The following PXDN variants were observed in gnomAD, a reference collection of about 807,000 sequenced individuals.
The protein encoded by PXDN is peroxidasin, also known as peroxidasin homolog.
Under a neutral mutation model 140.3 loss-of-function variants are expected in PXDN, and 77 were observed. The observed-to-expected ratio is 0.55, with a 90% CI of 0.46 to 0.66. The LOEUF is 0.66. Ranked by LOEUF, PXDN falls within the 30% of genes least tolerant of loss-of-function variation. The pLI is 0.00. For missense variants in PXDN, 1,838 were observed against 2,039.5 expected, an observed-to-expected ratio of 0.90 and a Z score of 1.90; for synonymous variants, 911 against 857.4, an observed-to-expected ratio of 1.06 and a Z score of -1.09.
intron 1 of PXDN, among the ~76,000 whole-genome samples, chr2:1,712,808 T>C (rs751033237): frequency 6.6e-6 from 1 of 152,182 alleles, no homozygotes; most frequent in Non-Finnish European, 1.5e-5. Context: ...CCCTGCAACC[T>C]CCGCCTCCAA....
chr2:1,680,529 C>T (rs1158448989), intron 6 of PXDN, among the ~76,000 whole-genome samples, 167 bp from the exon 7 acceptor site: 1 of 152,150 alleles, frequency 6.6e-6, no homozygotes, highest in South Asian at 2.1e-4. Context: ...CCCCGGTGCC[C>T]GACTCAGGGA....
chr2:1,648,780 C>T lies in PXDN; in HGVS notation c.3000G>A (p.Thr1000=), dbSNP rs141010722. ...LWFREHNRIA[T]ELLKLNPHWD... ...AGTGCGGGTTCAGCTTGAGCAGCTC[C>T]GTGGCAATGCGGTTGTGCTCGCGGA... The change falls in exon 17 of 23, where the codon ACG becomes ACA. Residue 1000 remains threonine (T), a synonymous_variant. Coordinates refer to ENST00000252804, the MANE Select transcript of PXDN (RefSeq NM_012293.3). The surrounding 1 kb of genome is among the most constrained non-coding windows in gnomAD (Gnocchi z 8.9). 34 of 1,603,916 alleles carry T rather than the reference C, an allele frequency of 2.1e-5. No individual in the cohort carries two copies. The highest frequency in any genetic ancestry group is 9.0e-5 in the East Asian group (4 of 44,322).
intron 9 of PXDN, among the ~76,000 whole-genome samples, chr2:1,673,196 A>T (rs1683616630): frequency 1.3e-5 from 2 of 152,232 alleles, no homozygotes; most frequent in South Asian, 4.1e-4. Flanking sequence ...CCATTATCTT[A>T]AACATGAAAA....
At chr2:1,697,898 CATG>C (rs1684335287) in intron 1 of PXDN, among the ~76,000 whole-genome samples, 1 of 152,208 alleles carries the variant, frequency 6.6e-6, no homozygotes, top group Non-Finnish European at 1.5e-5. Context: ...AGTAAGTTGG[CATG>C]ATGAGCATGG....
chr2:1,738,785 A>G (rs1404272313), intron 1 of PXDN, among the ~76,000 whole-genome samples: 1 of 152,160 alleles, frequency 6.6e-6, no homozygotes, highest in Middle Eastern at 3.2e-3. Flanking sequence ...GAGCTCAGGC[A>G]ATCTGCCCGC....
intron 6 of PXDN, among the ~76,000 whole-genome samples, chr2:1,683,081 G>A (rs1313997866): frequency 2.6e-5 from 4 of 151,642 alleles, no homozygotes; most frequent in Admixed American, 6.6e-5. Flanking sequence ...ATTTAAAGAC[G>A]ATTTAAATCG....
At position 1,687,670 on chromosome 2, in the gene PXDN, G is replaced by A; in HGVS notation, c.378C>T (p.Asp126=). The change falls in exon 4 of 23, where the codon GAC becomes GAT. Residue 126 remains aspartate, a synonymous_variant. Coordinates refer to ENST00000252804, the MANE Select transcript of PXDN (RefSeq NM_012293.3). This position sits in a 1 kb window ranked among gnomAD's most constrained non-coding sequence, Gnocchi z 4.0. ...YLYKNEIQSI[D]RQAFKGLASL... ...AGGCAAGTCCCTTAAATGCTTGCCT[G>A]TCAATTGACTGGATCTCATTCTTGT... 6.5e-7 allele frequency: 1 copy of A among 1,534,170 alleles called. No individual in the cohort carries two copies. The highest frequency in any genetic ancestry group is 1.7e-5 in the Admixed American group (1 of 59,262).
chr2:1,638,305 A>T (rs941385105), intron 21 of PXDN, among the ~76,000 whole-genome samples: 9 of 152,110 alleles, frequency 5.9e-5, no homozygotes, highest in African/African-American at 1.9e-4. Context: ...AAGCAGAAGT[A>T]AGTTCCTGGG....
In PXDN at chr2:1,743,915, GGCGGGAGGCGA is replaced by G. The variant is rs1229295694; in HGVS notation, c.200+330_200+340del. 1.1e-3 allele frequency among the ~76,000 whole-genome samples: 167 copies of G among 150,152 alleles called. 2 individuals are homozygous for G. Among genetic ancestry groups the G allele is most frequent in the African/African-American group, 3.8e-3 (155 of 40,832 alleles). ...AGGCCGGCGGAGCATGAGAGGGGGC[GGCGGGAGGCGA>G]GCGGGGGGAGCCCCGGAGGCTCCAA... On this transcript the variant is annotated intron_variant, in intron 1 of 22. Coordinates refer to ENST00000252804, the MANE Select transcript of PXDN (RefSeq NM_012293.3).
intron 6 of PXDN, 35 bp downstream of exon 6, chr2:1,683,621 T>G: frequency 6.7e-7 from 1 of 1,492,912 alleles, no homozygotes; most frequent in Non-Finnish European, 9.2e-7. Flanking sequence ...AAGAAGGCTT[T>G]GCAGCAAAGA....
rs1386521485 is a variant in PXDN, at chr2:1,685,007, C to T, written c.417-856G>A. Among the ~76,000 whole-genome samples the T allele has an allele frequency of 2.0e-5, 3 of 152,314 alleles. No individual in the cohort carries two copies. In the East Asian group the frequency reaches 5.8e-4, roughly 30 times the overall value. Reference sequence around the variant, plus strand: ...AATGAGCAAAGAAGCAGCATGCCAGCGTTCACAGGTCTTCATAACTCCACA... The same window carrying T: ...AATGAGCAAAGAAGCAGCATGCCAGTGTTCACAGGTCTTCATAACTCCACA... On this transcript the variant is annotated intron_variant, in intron 4 of 22. Transcript: ENST00000252804. This position sits in a 1 kb window ranked among gnomAD's most constrained non-coding sequence, Gnocchi z 5.1.
At chr2:1,724,860 G>A (rs1430173757) in intron 1 of PXDN, among the ~76,000 whole-genome samples, 1 of 152,164 alleles carries the variant, frequency 6.6e-6, no homozygotes, top group Non-Finnish European at 1.5e-5. Context: ...GTGGTTCCAT[G>A]CAAATTTTAT....
chr2:1,655,982 C>T lies in PXDN; in HGVS notation c.1838-1474G>A, dbSNP rs529558096. Reference sequence around the variant, plus strand: ...ACCTTATAAATAACACGCACATAGCCCATCAAACATATAGATACACACGAC... The same window carrying T: ...ACCTTATAAATAACACGCACATAGCTCATCAAACATATAGATACACACGAC... On this transcript the variant is annotated intron_variant, in intron 14 of 22. Transcript: ENST00000252804. Among the ~76,000 whole-genome samples the T allele has an allele frequency of 3.0e-4, 45 of 151,880 alleles. 2 individuals are homozygous for T. In the South Asian group the frequency reaches 8.8e-3, roughly 30 times the overall value.
At chr2:1,686,247 A>G (rs530788576) in intron 4 of PXDN, among the ~76,000 whole-genome samples, 29 of 152,242 alleles carry the variant, frequency 1.9e-4, no homozygotes, top group African/African-American at 7.0e-4. Flanking sequence ...CCTCAGGCTC[A>G]CTGTACAGCG....
At chr2:1,661,733 G>A (rs1340525162) in intron 13 of PXDN, among the ~76,000 whole-genome samples, 2 of 152,228 alleles carry the variant, frequency 1.3e-5, no homozygotes, top group Non-Finnish European at 2.9e-5. Context: ...CCTTATTGAT[G>A]ATGAGACCAT....
chr2:1,665,893 G>A (rs1260258770), intron 10 of PXDN, among the ~76,000 whole-genome samples: 2 of 152,150 alleles, frequency 1.3e-5, no homozygotes, highest in Non-Finnish European at 2.9e-5. Context: ...TACTGCACAT[G>A]TGCATGCATG....
chr2:1,688,812 C>A (rs1281330407), intron 3 of PXDN, among the ~76,000 whole-genome samples: 3 of 148,026 alleles, frequency 2.0e-5, no homozygotes, highest in Non-Finnish European at 4.6e-5. Context: ...CACTAAATAA[C>A]CAACATTTTT....
At chr2:1,703,038 G>A (rs1230887215) in intron 1 of PXDN, among the ~76,000 whole-genome samples, 31 of 29,338 alleles carry the variant, frequency 1.1e-3, no homozygotes, top group Admixed American at 1.5e-3. Flanking sequence ...TGAAGGGGGG[G>A]CAGCTCCAGG....
At chr2:1,638,735 G>A (rs1297904016) in intron 21 of PXDN, 111 bp downstream of exon 21, 5 of 1,504,968 alleles carry the variant, frequency 3.3e-6, no homozygotes, top group Non-Finnish European at 3.7e-6. Context: ...GGTCCTGTGT[G>A]GGCAGTTGAA....
Sources: allele counts gnomAD v4.1 joint callset (sites outside exome capture counted in the v4.1 genomes callset), GRCh38; gene constraint gnomAD v4.1.1; non-coding constraint Gnocchi (gnomAD v3.1); transcripts MANE v1.5; gene names NCBI Gene and HGNC (gene_info 2026-07-23, HGNC 2026-07-21).